MYT1: variants seen among roughly 807,000 people sequenced by gnomAD.
MYT1 encodes myelin transcription factor I.
MYT1 carries 23 observed loss-of-function variants against 123.0 expected under a neutral mutation model. The ratio of observed to expected loss-of-function variants is 0.19; its 90% CI spans 0.13 to 0.26. The LOEUF is 0.26. Ranked by LOEUF, MYT1 falls within the 10% of genes least tolerant of loss-of-function variation. The pLI is 1.00. For missense variants in MYT1, 1,125 were observed against 1,472.5 expected, an observed-to-expected ratio of 0.76 and a Z score of 3.86; for synonymous variants, 518 against 575.3, an observed-to-expected ratio of 0.90 and a Z score of 1.43.
chr20:64,178,176 T>C (rs1982524557), intron 1 of MYT1, among the ~76,000 whole-genome samples: 1 of 152,222 alleles, frequency 6.6e-6, no homozygotes, highest in African/African-American at 2.4e-5. Flanking sequence ...AAAATACATT[T>C]TGAAACAATC....
At chr20:64,216,253 A>G (rs550150386) in intron 10 of MYT1, among the ~76,000 whole-genome samples, 1 of 152,352 alleles carries the variant, frequency 6.6e-6, no homozygotes, top group Non-Finnish European at 1.5e-5. Flanking sequence ...GCTGCTTGCC[A>G]GGATCTCCTC....
At chr20:64,198,793 C>T in intron 2 of MYT1, 69 bp from the exon 3 acceptor site, 1 of 1,550,866 alleles carries the variant, frequency 6.4e-7, no homozygotes, top group Non-Finnish European at 8.9e-7. Flanking sequence ...GCCAGACATT[C>T]CTGATGGCTC....
rs192403201 is a variant in MYT1, at chr20:64,240,515, G to A, written c.*67G>A. The A allele has an allele frequency of 5.7e-3, 8,632 of 1,522,284 alleles. 32 individuals are homozygous for A. The highest frequency in any genetic ancestry group is 7.9e-3 in the South Asian group (611 of 77,782). The allele number at this position is 1,522,284 out of a possible 1,614,324, so 94.3% of individuals were successfully genotyped here. A position where few individuals can be genotyped will look rare whatever the true frequency, so the allele number is the denominator to read the frequency against. Reference sequence around the variant, plus strand: ...TACCTCCCTCGCCCTGCCCCGCACCGTGGGGATGCCCAACTCACAGTGACT... The same window carrying A: ...TACCTCCCTCGCCCTGCCCCGCACCATGGGGATGCCCAACTCACAGTGACT... On this transcript the variant is annotated 3_prime_UTR_variant, in exon 23 of 23. Transcript: ENST00000328439.
intron 1 of MYT1, among the ~76,000 whole-genome samples, chr20:64,187,364 C>A (rs1982841775): frequency 6.6e-6 from 1 of 150,418 alleles, no homozygotes; most frequent in Non-Finnish European, 1.5e-5. Flanking sequence ...GCCCCGGCAT[C>A]CACGTTTCCG....
chr20:64,199,324 G>T (rs1247849813), intron 3 of MYT1, among the ~76,000 whole-genome samples: 1 of 152,184 alleles, frequency 6.6e-6, no homozygotes, highest in Non-Finnish European at 1.5e-5. Context: ...AGGAGAGGAG[G>T]CTGACTCTGT....
At chr20:64,219,308 C>T (rs924130372) in intron 12 of MYT1, among the ~76,000 whole-genome samples, 5 of 152,200 alleles carry the variant, frequency 3.3e-5, no homozygotes, top group Non-Finnish European at 4.4e-5. Flanking sequence ...ACCATGCGCC[C>T]GCGTGTCTCC....
chr20:64,216,256 A>T (rs1983834928), intron 10 of MYT1, among the ~76,000 whole-genome samples: 1 of 152,232 alleles, frequency 6.6e-6, no homozygotes, highest in Admixed American at 6.5e-5. Context: ...GCTTGCCAGG[A>T]TCTCCTCTTC....
intron 1 of MYT1, among the ~76,000 whole-genome samples, chr20:64,189,000 A>G (rs990079427): frequency 6.6e-6 from 1 of 152,198 alleles, no homozygotes; most frequent in African/African-American, 2.4e-5. Context: ...CTCTGTGTTT[A>G]TGCTCTGGAA....
In MYT1 at chr20:64,189,019, G is replaced by C. The variant is rs566285728; in HGVS notation, c.-98-1044G>C. 3.9e-5 allele frequency among the ~76,000 whole-genome samples: 6 copies of C among 152,224 alleles called. No individual in the cohort carries two copies. Among genetic ancestry groups the C allele is most frequent in the Non-Finnish European group, 7.3e-5 (5 of 68,040 alleles). ...GTGTTTATGCTCTGGAAGGTAATCC[G>C]AAGCCCTTTAATGGGATGGAAGCAT... On this transcript the variant is annotated intron_variant, in intron 1 of 22. Coordinates refer to ENST00000328439, the MANE Select transcript of MYT1 (RefSeq NM_004535.3). This position sits in a 1 kb window ranked among gnomAD's most constrained non-coding sequence, Gnocchi z 5.5.
rs1455594463 is a variant in MYT1, at chr20:64,190,838, A to C, written c.-1+678A>C. On this transcript the variant is annotated intron_variant, in intron 2 of 22. Transcript: ENST00000328439. The surrounding 1 kb of genome is among the most constrained non-coding windows in gnomAD (Gnocchi z 4.1). ...ACAAAAATTAGCCGGGCATGGTGGC[A>C]TGCGCCTGTAATCCCAGCTACTGGG... Among the ~76,000 whole-genome samples, 1 of 152,062 alleles carries C rather than the reference A, an allele frequency of 6.6e-6. No individual in the cohort carries two copies. Among genetic ancestry groups the C allele is most frequent in the East Asian group, 1.9e-4 (1 of 5,190 alleles).
In MYT1 at chr20:64,186,705, C is replaced by A. The variant is rs1171796248; in HGVS notation, c.-98-3358C>A. Among the ~76,000 whole-genome samples the A allele has an allele frequency of 6.6e-6, 1 of 152,286 alleles. No individual in the cohort carries two copies. Among genetic ancestry groups the A allele is most frequent in the African/African-American group, 2.4e-5 (1 of 41,482 alleles). ...ACAGAGTGTCCATGGAGCAGCATGA[C>A]TTCTGGAAGGGCGTCTTTATGGAAC... On this transcript the variant is annotated intron_variant, in intron 1 of 22. Transcript: ENST00000328439. This position sits in a 1 kb window ranked among gnomAD's most constrained non-coding sequence, Gnocchi z 4.3.
intron 4 of MYT1, among the ~76,000 whole-genome samples, 164 bp from the exon 5 acceptor site, chr20:64,204,867 CATTT>C (rs1411080508): frequency 1.3e-5 from 2 of 152,170 alleles, no homozygotes; most frequent in Non-Finnish European, 2.9e-5. Context: ...TGTAATGAGC[CATTT>C]ATTTATTTGA....
At chr20:64,170,916 GAGAGAGAGAGA>G (rs1982254143) in intron 1 of MYT1, among the ~76,000 whole-genome samples, 1 of 134,866 alleles carries the variant, frequency 7.4e-6, no homozygotes, top group Non-Finnish European at 1.6e-5. Context: ...GAGAGAGAGA[GAGAGAGAGAGA>G]GAGAGAGACG....
At position 64,202,068 on chromosome 20, in the gene MYT1, C is replaced by CCGCG. The variant is rs1491423254; in HGVS notation, c.86+2146_86+2147insCGCG. ...GGGAACCTCTGCGTGTCGGGAACCC[C>CCGCG]TGTGTGCAGGACTTTCTCTGTGGAT... On this transcript the variant is annotated intron_variant, in intron 4 of 22. Coordinates refer to ENST00000328439, the MANE Select transcript of MYT1 (RefSeq NM_004535.3). The surrounding 1 kb of genome is among the most constrained non-coding windows in gnomAD (Gnocchi z 5.0). 1.5e-4 allele frequency among the ~76,000 whole-genome samples: 22 copies of CCGCG among 151,482 alleles called. No individual in the cohort carries two copies. The highest frequency in any genetic ancestry group is 3.2e-4 in the African/African-American group (13 of 41,182).
At chr20:64,216,746 C>T (rs1983849606) in intron 10 of MYT1, among the ~76,000 whole-genome samples, 1 of 152,226 alleles carries the variant, frequency 6.6e-6, no homozygotes, top group Non-Finnish European at 1.5e-5. Context: ...TTGAAACCTG[C>T]TCTCCTAAGT....
Position 64,193,486 on chromosome 20 carries a change from C to T in MYT1, c.-1+3326C>T, listed in dbSNP as rs559929436. Among the ~76,000 whole-genome samples the T allele has an allele frequency of 1.2e-3, 180 of 152,274 alleles. 1 individual carries two copies. The highest frequency in any genetic ancestry group is 4.1e-3 in the African/African-American group (169 of 41,528). ...AATACTGTCTGCTGTAATGGCTTCA[C>T]AGCAGTGACAGGGAAGTTGATGCTG... On this transcript the variant is annotated intron_variant, in intron 2 of 22. Transcript: ENST00000328439. This position sits in a 1 kb window ranked among gnomAD's most constrained non-coding sequence, Gnocchi z 4.0.
In MYT1 at chr20:64,239,918, G is replaced by A; in HGVS notation, c.3237+15G>A. 2.5e-6 allele frequency: 4 copies of A among 1,609,684 alleles called. No homozygotes were observed. The highest frequency in any genetic ancestry group is 3.4e-6 in the Non-Finnish European group (4 of 1,179,706). ...TTCCGCACATGGTAGGCAGCACGCG[G>A]GCCTGCCGGCACCACAGCTACCCCC... On this transcript the variant is annotated intron_variant, in intron 22 of 22. Transcript: ENST00000328439.
rs1601717779 is a variant in MYT1 at position 64,217,052 on chromosome 20, T to C, written c.1632-15T>C. The C allele has an allele frequency of 6.2e-7, 1 of 1,610,084 alleles. No homozygotes were observed. Among genetic ancestry groups the C allele is most frequent in the East Asian group, 2.2e-5 (1 of 44,838 alleles). ...TCCCATCTCACTGGCTGTGCATCCC[T>C]GTACTGCACCCCAGGCCCATGTGCT... On this transcript the variant is annotated splice_polypyrimidine_tract_variant and intron_variant, in intron 10 of 22. Transcript: ENST00000328439.
At position 64,167,034 on chromosome 20, in the gene MYT1, A is replaced by G. The variant is rs1982102450; in HGVS notation, c.-99+2295A>G. ...CCTGGGGTCACTGAATGTGCAGACAATGACATTTGTGGTGGTGTGGTGGGT... is the reference window on the plus strand; with the variant it reads ...CCTGGGGTCACTGAATGTGCAGACAGTGACATTTGTGGTGGTGTGGTGGGT... On this transcript the variant is annotated intron_variant, in intron 1 of 22. Transcript: ENST00000328439. The surrounding 1 kb of genome is among the most constrained non-coding windows in gnomAD (Gnocchi z 6.3). Among the ~76,000 whole-genome samples the G allele has an allele frequency of 1.3e-5, 2 of 152,158 alleles. No individual in the cohort carries two copies. The highest frequency in any genetic ancestry group is 2.4e-5 in the African/African-American group (1 of 41,526).
Sources: allele counts gnomAD v4.1 joint callset (sites outside exome capture counted in the v4.1 genomes callset), GRCh38; gene constraint gnomAD v4.1.1; non-coding constraint Gnocchi (gnomAD v3.1); transcripts MANE v1.5; gene names NCBI Gene and HGNC (gene_info 2026-07-23, HGNC 2026-07-21).